Variants in MYO15B observed in about 807,000 individuals in gnomAD.
MYO15B encodes the protein myosin XVB pseudogene.
Under a neutral mutation model 119.3 loss-of-function variants are expected in MYO15B, and 207 were observed. The observed-to-expected ratio is 1.73, with a 90% confidence interval of 1.55 to 1.95. The LOEUF is 1.95. Ranked by LOEUF, MYO15B falls within the 30% of genes most tolerant of loss-of-function variation. MYO15B has a pLI of 0.00. For synonymous variants in MYO15B, 966 were observed against 498.9 expected (o/e 1.94, Z -12.48); for missense variants, 2,264 against 1,203.1 (o/e 1.88, Z -13.04).
Position 75,589,972 on chromosome 17 carries a change from C to G in MYO15B, c.1915C>G (p.Gln639Glu), listed in dbSNP as rs1335734503. The stretch of plus-strand genomic sequence containing the variant: ...TGACGAGCCCCCGGTGCGCTGGGCG[C>G]AGGGCTCAGGCCCCCACGAGGGTCC... Residue 639 changes from glutamine (Q) to glutamate (E), a missense_variant, in exon 1 of 64, where the codon CAG becomes GAG. Coordinates refer to ENST00000645453, the Ensembl canonical transcript of MYO15B. This position sits in a 1 kb window ranked among gnomAD's most constrained non-coding sequence, Gnocchi z 4.2. 2.5e-6 allele frequency: 1 copy of G among 398,612 alleles called. No individual in the cohort carries two copies. The highest frequency in any genetic ancestry group is 4.4e-6 in the Non-Finnish European group (1 of 226,006). The allele number at this position is 398,612 out of a possible 1,614,324, so 24.7% of individuals were successfully genotyped here. A position where few individuals can be genotyped will look rare whatever the true frequency, so the allele number is the denominator to read the frequency against.
chr17:75,609,880 G>A (rs1418127837), intron 21 of MYO15B, among the ~76,000 whole-genome samples: 10 of 151,842 alleles, frequency 6.6e-5, no homozygotes, highest in Non-Finnish European at 8.8e-5. Flanking sequence ...TTTAGTAGAC[G>A]GGGTTTCACC....
chr17:75,592,970 C>T (rs2056576733), intron 9 of MYO15B, 130 bp downstream of exon 9: 1 of 599,644 alleles, frequency 1.7e-6, no homozygotes, highest in South Asian at 2.0e-5. Flanking sequence ...TGGGTAGATC[C>T]CCACTGTGTA....
chr17:75,606,543 G>T (rs539378127), intron 21 of MYO15B, among the ~76,000 whole-genome samples: 2 of 150,614 alleles, frequency 1.3e-5, no homozygotes, highest in South Asian at 4.2e-4. Flanking sequence ...GTGCGATCTC[G>T]GGTCACTGCA....
intron 43 of MYO15B, 43 bp from the exon 44 acceptor site, chr17:75,619,100 T>C (rs1464485168): frequency 2.8e-6 from 2 of 702,364 alleles, no homozygotes; most frequent in East Asian, 5.4e-5. Flanking sequence ...GGGGGTGGGC[T>C]CTGTCTCAGG....
At chr17:75,626,426 C>T in exon 64 of MYO15B, 2 of 702,860 alleles carry the variant, frequency 2.8e-6, no homozygotes, top group Non-Finnish European at 5.2e-6. Context: ...CTGCTATACA[C>T]CACTGTCTTC....
At position 75,610,192 on chromosome 17, in the gene MYO15B, C is replaced by G. The variant is rs989437441; in HGVS notation, c.4319C>G (p.Ala1440Gly). The change falls in exon 22 of 64, where the codon GCT (alanine) becomes GGT (glycine). Residue 1440 changes from alanine to glycine, a missense_variant. By Grantham distance (60) the Ala-to-Gly change is moderately conservative. Coordinates refer to ENST00000645453, the Ensembl canonical transcript of MYO15B. ...AAGCGGTACCTCCGGCGGCGGGCAG[C>G]TTTGGGACAGCTGAACACCATCCTG... is the stretch of plus-strand genomic sequence containing the variant. The G allele has an allele frequency of 5.7e-6, 4 of 701,516 alleles. No homozygotes were observed. In the African/African-American group the frequency reaches 7.0e-5, roughly 12 times the overall value. The allele number at this position is 701,516 out of a possible 1,614,324, so 43.5% of individuals were successfully genotyped here. A position where few individuals can be genotyped will look rare whatever the true frequency, so the allele number is the denominator to read the frequency against.
At position 75,625,524 on chromosome 17, in the gene MYO15B, T is replaced by C. The variant is rs544720746; in HGVS notation, c.8805-3T>C. 2 of 702,942 alleles carry C rather than the reference T, an allele frequency of 2.8e-6. No individual in the cohort carries two copies. The highest frequency in any genetic ancestry group is 5.2e-6 in the Non-Finnish European group (2 of 385,016). The allele number at this position is 702,942 out of a possible 1,614,324, so 43.5% of individuals were successfully genotyped here. A position where few individuals can be genotyped will look rare whatever the true frequency, so the allele number is the denominator to read the frequency against. On this transcript the variant is annotated splice_polypyrimidine_tract_variant and splice_region_variant and intron_variant, in intron 60 of 63. Transcript: ENST00000645453. Reference sequence around the variant, plus strand: ...CCAAACTGACCCTGGTCACACATCCTAGGCAGGACCTGCTAGCTTACGTGC... The same window carrying C: ...CCAAACTGACCCTGGTCACACATCCCAGGCAGGACCTGCTAGCTTACGTGC...
chr17:75,589,051 G>A lies in MYO15B; in HGVS notation c.994G>A (p.Ala332Thr), dbSNP rs1190898793. The A allele has an allele frequency of 1.8e-5, 7 of 396,338 alleles. No homozygotes were observed. The highest frequency in any genetic ancestry group is 3.1e-5 in the Non-Finnish European group (7 of 224,610). 24.6% of individuals were successfully genotyped at this position (396,338 alleles called of 1,614,324 possible). A position where few individuals can be genotyped will look rare whatever the true frequency, so the allele number is the denominator to read the frequency against. The change falls in exon 1 of 64, where the codon GCC (alanine) becomes ACC (threonine). Residue 332 changes from alanine (A) to threonine (T), a missense_variant. Coordinates refer to ENST00000645453, the Ensembl canonical transcript of MYO15B. The surrounding 1 kb of genome is among the most constrained non-coding windows in gnomAD (Gnocchi z 4.2). ...AGCAGGAGCGGGGCCGGAGGACCCA[G>A]CCCCGCTGGCGGCCCTCCTGGTGGT...
At chr17:75,595,006 C>T in intron 12 of MYO15B, 34 bp downstream of exon 12, 1 of 701,112 alleles carries the variant, frequency 1.4e-6, no homozygotes, top group South Asian at 1.5e-5. Flanking sequence ...GGAAAGGGGG[C>T]ACCCATATAA....
chr17:75,622,308 T>C (rs1027852938), intron 53 of MYO15B, among the ~76,000 whole-genome samples: 1 of 152,206 alleles, frequency 6.6e-6, no homozygotes, highest in Non-Finnish European at 1.5e-5. Flanking sequence ...AGAGTAAGAA[T>C]GCAGGGAAGG....
chr17:75,616,468 C>T, intron 38 of MYO15B, 22 bp downstream of exon 38: 1 of 666,560 alleles, frequency 1.5e-6, no homozygotes, highest in Non-Finnish European at 2.7e-6. Context: ...CTGGGCAGGG[C>T]CTGGGGCTCC....
chr17:75,596,374 C>T (rs1410610536), intron 12 of MYO15B, 86 bp from the exon 13 acceptor site: 5 of 683,692 alleles, frequency 7.3e-6, no homozygotes, highest in Non-Finnish European at 1.3e-5. Flanking sequence ...TTACTCATCC[C>T]TGCGCCCTGG....
At chr17:75,596,662 C>G in intron 13 of MYO15B, 106 bp from the exon 14 acceptor site, 1 of 677,150 alleles carries the variant, frequency 1.5e-6, no homozygotes, top group South Asian at 1.6e-5. Flanking sequence ...CCTGGAAGGC[C>G]CCTTTCCATG....
chr17:75,618,896 T>C (rs2058537744), intron 43 of MYO15B, among the ~76,000 whole-genome samples: 1 of 152,170 alleles, frequency 6.6e-6, no homozygotes. Context: ...ACGGGGTCTC[T>C]GGGCAGTGAG....
At chr17:75,595,600 G>C (rs1216173721) in intron 12 of MYO15B, among the ~76,000 whole-genome samples, 1 of 152,252 alleles carries the variant, frequency 6.6e-6, no homozygotes, top group Non-Finnish European at 1.5e-5. Flanking sequence ...GTCCATGAGA[G>C]AGCTGTGTGC....
intron 14 of MYO15B, among the ~76,000 whole-genome samples, chr17:75,600,267 T>C (rs2057171648): frequency 6.6e-6 from 1 of 151,962 alleles, no homozygotes; most frequent in South Asian, 2.1e-4. Flanking sequence ...GACCTCGTGA[T>C]CCACCTGCTT....
At chr17:75,616,850 G>T (rs889467918) in intron 39 of MYO15B, 24 bp from the exon 40 acceptor site, 8 of 702,954 alleles carry the variant, frequency 1.1e-5, no homozygotes. Flanking sequence ...TATGAACTTA[G>T]TGACCTCTTG....
chr17:75,626,495 G>A (rs2059078211), exon 64 of MYO15B: 2 of 703,036 alleles, frequency 2.8e-6, no homozygotes, highest in Non-Finnish European at 5.2e-6. Context: ...GAGGAGTGCA[G>A]GCCGGGGAGA....
chr17:75,613,368 G>T (rs1168248504), exon 28 of MYO15B: 2 of 673,264 alleles, frequency 3.0e-6, no homozygotes, highest in Non-Finnish European at 5.3e-6. Flanking sequence ...TGGAGCAGTC[G>T]CAGCTGGCCT....
Sources: gnomAD v4.1 joint callset for allele counts (sites outside exome capture counted in the v4.1 genomes callset) on GRCh38, gnomAD v4.1.1 for gene constraint, Gnocchi (gnomAD v3.1) non-coding constraint, MANE v1.5 for transcripts, NCBI Gene and HGNC (gene_info 2026-07-23, HGNC 2026-07-21) for gene names.